The following PCDHA4 variants were observed in gnomAD, a reference collection of about 807,000 sequenced individuals.
PCDHA4 encodes protocadherin alpha-4.
In PCDHA4, 49 loss-of-function variants were observed where a neutral mutation model predicts 61.4. The ratio of observed to expected loss-of-function variants is 0.80; its 90% confidence interval spans 0.63 to 1.01. The LOEUF is 1.01. Ranked by LOEUF, PCDHA4 falls within the 50% of genes least tolerant of loss-of-function variation. PCDHA4 has a pLI of 0.00. For synonymous variants in PCDHA4, 590 were observed against 550.3 expected, an observed-to-expected ratio of 1.07 and a Z score of -1.01; for missense variants, 1,254 against 1,235.8, an observed-to-expected ratio of 1.01 and a Z score of -0.22.
intron 1 of PCDHA4, chr5:140,824,156 T>C (rs200693729): frequency 6.2e-7 from 1 of 1,611,610 alleles, no homozygotes; most frequent in Non-Finnish European, 8.5e-7. Flanking sequence ...ACATCCATCT[T>C]TCCCTCCCAA....
At chr5:140,976,578 A>C (rs997881753) in intron 1 of PCDHA4, among the ~76,000 whole-genome samples, 1 of 152,204 alleles carries the variant, frequency 6.6e-6, no homozygotes, top group Admixed American at 6.5e-5. Context: ...TATAAATAAA[A>C]CACAGACTTT....
chr5:140,986,826 A>G (rs902801115), intron 3 of PCDHA4, among the ~76,000 whole-genome samples: 1 of 152,178 alleles, frequency 6.6e-6, no homozygotes, highest in Non-Finnish European at 1.5e-5. Flanking sequence ...GGTTTAGACA[A>G]TGGTTCTCAA....
rs116952410 is a variant in PCDHA4, at chr5:140,893,392, C to A, written c.2385+83820C>A. On this transcript the variant is annotated intron_variant, in intron 1 of 3. Coordinates refer to ENST00000530339, the MANE Select transcript of PCDHA4 (RefSeq NM_018907.4). ...AGCATTTATGGGACAGTGGCTCATG[C>A]CTGTAATCCCAGCACTTAGGGAGGC... 2.0e-5 allele frequency among the ~76,000 whole-genome samples: 3 copies of A among 152,230 alleles called. No individual in the cohort carries two copies. The East Asian group carries it at 5.8e-4, about 29-fold the overall frequency.
At chr5:140,905,036 T>A (rs2071554831) in intron 1 of PCDHA4, among the ~76,000 whole-genome samples, 1 of 152,222 alleles carries the variant, frequency 6.6e-6, no homozygotes, top group Non-Finnish European at 1.5e-5. Flanking sequence ...AGCTTTTTAG[T>A]TTAATTAGGT....
chr5:141,010,274 T>C lies in PCDHA4; in HGVS notation c.*337T>C, dbSNP rs1554262865. On this transcript the variant is annotated 3_prime_UTR_variant, in exon 4 of 4. Coordinates refer to ENST00000530339, the MANE Select transcript of PCDHA4 (RefSeq NM_018907.4). ...TCTGCCCTGTGCTCCGGGGATCCTG[T>C]CTTGATGACACTTGCAGGGCAGGCT... is the stretch of plus-strand genomic sequence containing the variant. The C allele has an allele frequency of 6.4e-7, 1 of 1,551,424 alleles. No homozygotes were observed. Among genetic ancestry groups the C allele is most frequent in the Admixed American group, 2.0e-5 (1 of 50,930 alleles).
rs782564165 is a variant in PCDHA4, at chr5:141,010,450, G to A, written c.*513G>A. ...AAGAAAACAAAGACAAATAAACAGC[G>A]GAAGTTATCAGTATGGAGGGGAAGT... On this transcript the variant is annotated 3_prime_UTR_variant, in exon 4 of 4. Transcript: ENST00000530339. The A allele has an allele frequency of 6.5e-6, 6 of 920,764 alleles. No individual in the cohort carries two copies. The East Asian group carries it at 8.2e-5, about 13-fold the overall frequency. 57.0% of individuals were successfully genotyped at this position (920,764 alleles called of 1,614,324 possible).
intron 1 of PCDHA4, chr5:140,828,910 G>A (rs2150160654): frequency 6.2e-7 from 1 of 1,613,410 alleles, no homozygotes; most frequent in Non-Finnish European, 8.5e-7. Context: ...ATGAAGGAGC[G>A]AATGGGGCAA....
intron 1 of PCDHA4, chr5:140,834,733 T>A: frequency 6.2e-7 from 1 of 1,614,226 alleles, no homozygotes; most frequent in Admixed American, 1.7e-5. Context: ...CTGCAGGTTT[T>A]CCATGTGGAC....
intron 1 of PCDHA4, chr5:140,842,577 C>A: frequency 6.6e-7 from 1 of 1,512,698 alleles, no homozygotes; most frequent in Non-Finnish European, 9.0e-7. Context: ...GAGAGAGTGT[C>A]GGCCTATGAG....
chr5:140,849,263 T>C, intron 1 of PCDHA4: 3 of 1,126,864 alleles, frequency 2.7e-6, no homozygotes, highest in African/African-American at 1.9e-5. Context: ...AAAACGTTTC[T>C]ATCGGAACGC....
intron 2 of PCDHA4, among the ~76,000 whole-genome samples, chr5:140,980,159 A>G (rs2153821002): frequency 6.6e-6 from 1 of 152,326 alleles, no homozygotes; most frequent in Admixed American, 6.5e-5. Context: ...ATACCAGAAT[A>G]TTAGGTATCA....
At chr5:140,835,905 G>T (rs1270383213) in intron 1 of PCDHA4, 2 of 1,612,070 alleles carry the variant, frequency 1.2e-6, no homozygotes, top group Admixed American at 1.7e-5. Flanking sequence ...GTCGAGCTAC[G>T]TGTCAGTGCA....
chr5:141,010,034 A>G lies in PCDHA4; in HGVS notation c.*97A>G. On this transcript the variant is annotated 3_prime_UTR_variant, in exon 4 of 4. Transcript: ENST00000530339. Reference sequence around the variant, plus strand: ...CCTGCTCCTTTTTCCTATCTACATGAGCCCTCTTAGAGACCTCAGAAATCT... The same window carrying G: ...CCTGCTCCTTTTTCCTATCTACATGGGCCCTCTTAGAGACCTCAGAAATCT... 6.3e-7 allele frequency: 1 copy of G among 1,582,208 alleles called. No individual in the cohort carries two copies.
chr5:140,864,887 G>T (rs2048644726), intron 1 of PCDHA4: 1 of 152,148 alleles, frequency 6.6e-6, no homozygotes, highest in African/African-American at 2.4e-5. Flanking sequence ...TGTTCATTAA[G>T]CTGCATGGTC....
chr5:140,881,300 T>C, intron 1 of PCDHA4: 3 of 957,608 alleles, frequency 3.1e-6, no homozygotes, highest in Non-Finnish European at 3.7e-6. Flanking sequence ...ATGGAAACTT[T>C]AACCTCCTGG....
intron 1 of PCDHA4, chr5:140,828,080 G>C (rs2150150678): frequency 6.3e-7 from 1 of 1,580,098 alleles, no homozygotes; most frequent in Non-Finnish European, 8.6e-7. Flanking sequence ...AATAAAACCA[G>C]AGGTATTTGA....
chr5:140,856,178 G>T lies in PCDHA4; in HGVS notation c.2385+46606G>T, dbSNP rs782689818. ...CGAGGAGGCCAGACACGGCACCTTC[G>T]TGGGCCGCATCGCGCAGGACCTGGG... is the stretch of plus-strand genomic sequence containing the variant. On this transcript the variant is annotated intron_variant, in intron 1 of 3. Coordinates refer to ENST00000530339, the MANE Select transcript of PCDHA4 (RefSeq NM_018907.4). 6.3e-6 allele frequency: 10 copies of T among 1,598,138 alleles called. 2 individuals are homozygous for T. Among genetic ancestry groups the T allele is most frequent in the Non-Finnish European group, 8.6e-6 (10 of 1,167,922 alleles).
At chr5:140,982,414 G>A in intron 2 of PCDHA4, 61 bp from the exon 3 acceptor site, 1 of 1,609,882 alleles carries the variant, frequency 6.2e-7, no homozygotes, top group Non-Finnish European at 8.5e-7. Flanking sequence ...TCTGAGGGTG[G>A]AAGAAGAGAT....
At chr5:140,852,885 A>T in intron 1 of PCDHA4, 5 of 778,116 alleles carry the variant, frequency 6.4e-6, no homozygotes, top group Non-Finnish European at 7.9e-6. Context: ...CATAAAACGT[A>T]TTTTTTTTTT....
Sources: gnomAD v4.1 joint callset for allele counts (sites outside exome capture counted in the v4.1 genomes callset) on GRCh38, gnomAD v4.1.1 for gene constraint, MANE v1.5 for transcripts, NCBI Gene and HGNC (gene_info 2026-07-23, HGNC 2026-07-21) for gene names.